The following LRP6 variants were observed in gnomAD, a reference collection of about 807,000 sequenced individuals.
The protein encoded by LRP6 is low-density lipoprotein receptor-related protein 6.
In LRP6, 43 loss-of-function variants were observed where a neutral mutation model predicts 184.1. That is an observed-to-expected ratio of 0.23 (90% CI 0.18 to 0.30). The LOEUF (loss-of-function observed/expected upper bound fraction) is 0.30. Ranked by LOEUF, LRP6 falls within the 10% of genes least tolerant of loss-of-function variation. LRP6 has a pLI of 1.00. For missense variants in LRP6, 1,571 were observed against 2,005.3 expected (o/e 0.78, Z 4.14); for synonymous variants, 719 against 684.9 (o/e 1.05, Z -0.78).
intron 7 of LRP6, among the ~76,000 whole-genome samples, chr12:12,171,902 C>T (rs1282920678): frequency 6.6e-6 from 1 of 152,192 alleles, no homozygotes; most frequent in Non-Finnish European, 1.5e-5. Context: ...TTCTCATATT[C>T]CTGTAAAAGT....
intron 16 of LRP6, among the ~76,000 whole-genome samples, chr12:12,137,665 G>A (rs564793337): frequency 2.8e-4 from 42 of 151,654 alleles, no homozygotes; most frequent in African/African-American, 9.2e-4. Flanking sequence ...AGTATAGAGA[G>A]GGAAGAAAAG....
intron 2 of LRP6, among the ~76,000 whole-genome samples, chr12:12,218,034 C>T (rs1310646866): frequency 1.3e-5 from 2 of 152,094 alleles, no homozygotes; most frequent in African/African-American, 2.4e-5. Context: ...AGACTTCATC[C>T]CAAAACTCCA....
chr12:12,153,249 G>T (rs978870020), intron 12 of LRP6, among the ~76,000 whole-genome samples: 1 of 152,194 alleles, frequency 6.6e-6, no homozygotes, highest in African/African-American at 2.4e-5. Context: ...AGCCCTTTGG[G>T]AGGCTGAGGC....
intron 2 of LRP6, 111 bp downstream of exon 2, chr12:12,244,151 A>G (rs572867423): frequency 3.7e-6 from 4 of 1,070,226 alleles, no homozygotes; most frequent in East Asian, 2.5e-5. Context: ...CAAAGAATCT[A>G]AAATTCCTGT....
intron 12 of LRP6, 94 bp from the exon 13 acceptor site, chr12:12,151,132 A>G: frequency 8.8e-7 from 1 of 1,131,332 alleles, no homozygotes; most frequent in Non-Finnish European, 1.3e-6. Context: ...TATTTCATAC[A>G]AAACAGACAT....
intron 2 of LRP6, among the ~76,000 whole-genome samples, chr12:12,230,060 G>T (rs1025550437): frequency 6.6e-6 from 1 of 152,098 alleles, no homozygotes; most frequent in Non-Finnish European, 1.5e-5. Flanking sequence ...GCTGTGTCTG[G>T]TCTCATATTC....
At chr12:12,243,752 CA>C (rs59211234) in intron 2 of LRP6, among the ~76,000 whole-genome samples, 4 of 151,540 alleles carry the variant, frequency 2.6e-5, no homozygotes, top group Admixed American at 2.0e-4. Context: ...TCTGTCTCTA[CA>C]AAAAAAAATT....
Position 12,149,121 on chromosome 12 carries a change from A to T in LRP6, c.3027T>A (p.Ser1009Arg). 7 of 1,613,978 alleles carry T rather than the reference A, an allele frequency of 4.3e-6. No individual in the cohort carries two copies. Among genetic ancestry groups the T allele is most frequent in the Non-Finnish European group, 5.9e-6 (7 of 1,179,980 alleles). ...GFTVVVSSVP[S>R]QNLEIQPYDL... ...CATAGGGTTGTATTTCCAGGTTCTG[A>T]CTCGGAACTGAGCTCACAACCACAG... Residue 1009 changes from serine to arginine, a missense_variant, in exon 14 of 23, where the codon AGT (serine) becomes AGA (arginine). By Grantham distance (110) the Ser-to-Arg change is moderately radical. This residue lies in a region of LRP6 where 763 missense variants were observed against 859.5 expected (regional missense o/e 0.89). Coordinates refer to ENST00000261349, the MANE Select transcript of LRP6 (RefSeq NM_002336.3).
Position 12,162,294 on chromosome 12 carries a change from C to T in LRP6, c.2178G>A (p.Thr726=), listed in dbSNP as rs368905025. 2.6e-5 allele frequency: 42 copies of T among 1,614,050 alleles called. No individual in the cohort carries two copies. The highest frequency in any genetic ancestry group is 3.3e-4 in the Middle Eastern group (2 of 6,084). The change falls in exon 10 of 23, where the codon ACG becomes ACA. Residue 726 remains threonine (T), a synonymous_variant. Coordinates refer to ENST00000261349, the MANE Select transcript of LRP6 (RefSeq NM_002336.3). ...CCAACTTTGACACCTCAATTCGATTCGTTCCTGTGTCTGCCCAGTACAAGT... is the reference window on the plus strand; with the variant it reads ...CCAACTTTGACACCTCAATTCGATTTGTTCCTGTGTCTGCCCAGTACAAGT... The part of the protein sequence containing the change: ...GKNLYWADTG[T]NRIEVSKLDG...
intron 1 of LRP6, among the ~76,000 whole-genome samples, chr12:12,250,805 T>C (rs977830222): frequency 2.0e-4 from 30 of 151,840 alleles, no homozygotes; most frequent in African/African-American, 7.3e-4. Flanking sequence ...GTATTTTTAG[T>C]AGAGGCAGGT....
At chr12:12,191,965 C>A (rs948355768) in intron 3 of LRP6, among the ~76,000 whole-genome samples, 2 of 151,934 alleles carry the variant, frequency 1.3e-5, no homozygotes, top group African/African-American at 2.4e-5. Flanking sequence ...GTAACTTGAA[C>A]CCTCAGGAAA....
At chr12:12,155,437 CA>C in intron 12 of LRP6, 1 of 946,090 alleles carries the variant, frequency 1.1e-6, no homozygotes, top group Non-Finnish European at 1.7e-6. Context: ...GTTACCACTG[CA>C]AAACTGGAAG....
At chr12:12,245,908 AAC>A (rs1865171468) in intron 1 of LRP6, among the ~76,000 whole-genome samples, 1 of 152,088 alleles carries the variant, frequency 6.6e-6, no homozygotes, top group East Asian at 1.9e-4. Context: ...TCCACTGCAT[AAC>A]ACAGTACCAC....
chr12:12,233,768 T>C (rs1460609023), intron 2 of LRP6, among the ~76,000 whole-genome samples: 1 of 152,166 alleles, frequency 6.6e-6, no homozygotes, highest in Admixed American at 6.5e-5. Context: ...GCATTATGAT[T>C]CTAGAAAAAA....
chr12:12,144,157 A>G (rs71457134), intron 15 of LRP6, among the ~76,000 whole-genome samples: 7,907 of 152,326 alleles, frequency 0.052, 290 homozygotes, highest in Middle Eastern at 0.17. Flanking sequence ...CAAAGGATTC[A>G]TATCTAGAAT....
At chr12:12,194,193 A>C (rs1863691855) in intron 3 of LRP6, among the ~76,000 whole-genome samples, 1 of 152,094 alleles carries the variant, frequency 6.6e-6, no homozygotes, top group Admixed American at 6.6e-5. Flanking sequence ...GAACTTCCTC[A>C]ACCTGATAAA....
chr12:12,207,653 G>A (rs1203903274), intron 2 of LRP6, among the ~76,000 whole-genome samples: 2 of 152,120 alleles, frequency 1.3e-5, no homozygotes, highest in African/African-American at 4.8e-5. Flanking sequence ...AAGATCCTAG[G>A]AAAAAGACTG....
chr12:12,144,884 T>A (rs1236210912), intron 15 of LRP6, among the ~76,000 whole-genome samples: 8 of 64,108 alleles, frequency 1.2e-4, no homozygotes, highest in African/African-American at 6.3e-4. Flanking sequence ...GGACACAGGG[T>A]GGGGAACATC....
At chr12:12,264,102 C>G (rs1865696864) in intron 1 of LRP6, among the ~76,000 whole-genome samples, 1 of 151,846 alleles carries the variant, frequency 6.6e-6, no homozygotes, top group Non-Finnish European at 1.5e-5. Flanking sequence ...GATTACACCA[C>G]TGCACCCCAG....
Sources: gnomAD v4.1 joint callset for allele counts (sites outside exome capture counted in the v4.1 genomes callset) on GRCh38, gnomAD v4.1.1 for gene constraint, gnomAD v4.1.1 regional missense constraint, MANE v1.5 for transcripts, NCBI Gene and HGNC (gene_info 2026-07-23, HGNC 2026-07-21) for gene names.